Variants in SGCZ observed in about 807,000 individuals in gnomAD.
SGCZ encodes the protein sarcoglycan zeta.
In SGCZ, 40 loss-of-function variants were observed where a neutral mutation model predicts 41.3. That is an observed-to-expected ratio of 0.97 (90% CI 0.75 to 1.26). The LOEUF is 1.26. Ranked by LOEUF, SGCZ falls within the 50% of genes most tolerant of loss-of-function variation. SGCZ has a pLI of 0.00. For synonymous variants in SGCZ, 206 were observed against 137.5 expected, an observed-to-expected ratio of 1.50 and a Z score of -3.49; for missense variants, 552 against 369.8, an observed-to-expected ratio of 1.49 and a Z score of -4.04.
chr8:14,139,221 A>C (rs1359915147), intron 5 of SGCZ, among the ~76,000 whole-genome samples: 1 of 148,724 alleles, frequency 6.7e-6, no homozygotes, highest in African/African-American at 2.6e-5. Flanking sequence ...TATAGCACTA[A>C]AAGCCTACAA....
intron 1 of SGCZ, among the ~76,000 whole-genome samples, chr8:15,084,129 G>C (rs1281880906): frequency 2.0e-5 from 3 of 152,140 alleles, no homozygotes; most frequent in African/African-American, 7.2e-5. Flanking sequence ...CAAACAAGTA[G>C]TTCTGTTTTC....
intron 2 of SGCZ, among the ~76,000 whole-genome samples, chr8:14,469,039 C>G (rs1306219394): frequency 6.6e-6 from 1 of 151,070 alleles, no homozygotes; most frequent in East Asian, 1.9e-4. Context: ...CTGTTTCTTT[C>G]TAATTAGTTC....
chr8:15,214,350 A>C (rs1801331853), intron 1 of SGCZ, among the ~76,000 whole-genome samples: 1 of 152,156 alleles, frequency 6.6e-6, no homozygotes, highest in Non-Finnish European at 1.5e-5. Context: ...AAATCACTTT[A>C]AACAGTGTTT....
At chr8:14,364,390 T>C (rs193154517) in intron 2 of SGCZ, among the ~76,000 whole-genome samples, 67 of 152,290 alleles carry the variant, frequency 4.4e-4, no homozygotes, top group Admixed American at 3.8e-3. Flanking sequence ...GAATTATTAA[T>C]AAATCATGGG....
intron 4 of SGCZ, among the ~76,000 whole-genome samples, chr8:14,233,387 G>C (rs1425943378): frequency 1.3e-5 from 2 of 151,248 alleles, no homozygotes; most frequent in Non-Finnish European, 3.0e-5. Context: ...TATAAATGTA[G>C]TTTAAAAATA....
At chr8:14,905,392 C>G (rs1179957754) in intron 1 of SGCZ, among the ~76,000 whole-genome samples, 2 of 151,902 alleles carry the variant, frequency 1.3e-5, no homozygotes, top group Non-Finnish European at 2.9e-5. Flanking sequence ...GACATCACAC[C>G]GCTTTCCAGG....
At position 14,322,391 on chromosome 8, in the gene SGCZ, G is replaced by T. The variant is rs560534871; in HGVS notation, c.336+1712C>A. Among the ~76,000 whole-genome samples the T allele has an allele frequency of 2.6e-5, 4 of 152,188 alleles. No homozygotes were observed. The East Asian group carries it at 7.7e-4, about 29-fold the overall frequency. On this transcript the variant is annotated intron_variant, in intron 3 of 7. Transcript: ENST00000382080. ...TGAACATGGAGTTAGCTTTCTCGGG[G>T]ATGGAAACTAGGAAGCGCAAGTGGC...
chr8:14,157,287 A>G (rs1403194103), intron 5 of SGCZ, among the ~76,000 whole-genome samples: 1 of 148,674 alleles, frequency 6.7e-6, no homozygotes, highest in South Asian at 2.1e-4. Flanking sequence ...ATGTATATAC[A>G]TATTATATTT....
intron 5 of SGCZ, among the ~76,000 whole-genome samples, chr8:14,137,968 TAACA>T (rs1375066200): frequency 6.6e-6 from 1 of 152,170 alleles, no homozygotes; most frequent in Non-Finnish European, 1.5e-5. Flanking sequence ...CCCATCAGAC[TAACA>T]GCAGACCTCT....
intron 1 of SGCZ, among the ~76,000 whole-genome samples, chr8:15,207,930 A>C (rs1182507350): frequency 1.3e-5 from 2 of 152,142 alleles, no homozygotes; most frequent in Non-Finnish European, 2.9e-5. Context: ...AAACTCTATA[A>C]CTCTTAAGGA....
At chr8:14,199,582 G>A (rs552730500) in intron 4 of SGCZ, among the ~76,000 whole-genome samples, 2 of 152,022 alleles carry the variant, frequency 1.3e-5, no homozygotes, top group East Asian at 3.9e-4. Context: ...CTGGTTTTAC[G>A]GCTCGGGGGG....
At position 14,560,863 on chromosome 8, in the gene SGCZ, AC is replaced by A. The variant is rs1208603670; in HGVS notation, c.40-5938del. ...GGCTAAAAGAAAAGTTGTGAAAAAA[AC>A]AAAACACAAAAAAAAGTTATGAAAT... On this transcript the variant is annotated intron_variant, in intron 1 of 7. Coordinates refer to ENST00000382080, the MANE Select transcript of SGCZ (RefSeq NM_139167.4). Among the ~76,000 whole-genome samples, 7 of 146,832 alleles carry A rather than the reference AC, an allele frequency of 4.8e-5. No individual in the cohort carries two copies. The South Asian group carries it at 1.1e-3, about 23-fold the overall frequency.
chr8:14,828,491 GT>G (rs1240925877), intron 1 of SGCZ, among the ~76,000 whole-genome samples: 2 of 152,188 alleles, frequency 1.3e-5, no homozygotes, highest in Non-Finnish European at 2.9e-5. Context: ...CAAGTGCTGA[GT>G]TTTCGATGGA....
intron 1 of SGCZ, among the ~76,000 whole-genome samples, chr8:14,854,246 C>T (rs1274904930): frequency 4.0e-5 from 6 of 151,452 alleles, no homozygotes; most frequent in Non-Finnish European, 1.5e-5. Context: ...GCTTTTGACA[C>T]AGAGTTGGTG....
intron 4 of SGCZ, among the ~76,000 whole-genome samples, chr8:14,222,164 GT>G (rs916105308): frequency 1.3e-5 from 2 of 151,802 alleles, no homozygotes; most frequent in African/African-American, 2.4e-5. Flanking sequence ...TGTTGTTGCT[GT>G]TTTTTTGTTT....
At position 15,237,815 on chromosome 8, in the gene SGCZ, T is replaced by A. The variant is rs773219676; in HGVS notation, c.-192A>T. On this transcript the variant is annotated 5_prime_UTR_variant, in exon 1 of 8. Transcript: ENST00000382080. ...GAAAATAAATAAATAATAATGATAA[T>A]TCACTTTATTTTACTTCCTCAAAGA... is the stretch of plus-strand genomic sequence containing the variant. 5 of 566,928 alleles carry A rather than the reference T, an allele frequency of 8.8e-6. No individual in the cohort carries two copies. The highest frequency in any genetic ancestry group is 2.9e-5 in the Admixed American group (1 of 34,546). The allele number at this position is 566,928 out of a possible 1,614,324, so 35.1% of individuals were successfully genotyped here.
intron 1 of SGCZ, among the ~76,000 whole-genome samples, chr8:14,877,616 A>C (rs990946535): frequency 6.6e-6 from 1 of 152,134 alleles, no homozygotes; most frequent in Non-Finnish European, 1.5e-5. Flanking sequence ...AGGCATAAAA[A>C]ATAATATTTT....
At chr8:14,327,475 G>A (rs1802163083) in intron 2 of SGCZ, among the ~76,000 whole-genome samples, 1 of 152,164 alleles carries the variant, frequency 6.6e-6, no homozygotes, top group African/African-American at 2.4e-5. Flanking sequence ...AGTTGTTACA[G>A]AAATACCTAA....
intron 1 of SGCZ, among the ~76,000 whole-genome samples, chr8:14,619,449 G>A (rs185809352): frequency 1.5e-5 from 2 of 133,338 alleles, no homozygotes; most frequent in East Asian, 6.1e-4. Context: ...GGGCAATCAG[G>A]CAGGAGGAAA....
Sources: allele counts gnomAD v4.1 joint callset (sites outside exome capture counted in the v4.1 genomes callset), GRCh38; gene constraint gnomAD v4.1.1; transcripts MANE v1.5; gene names NCBI Gene and HGNC (gene_info 2026-07-23, HGNC 2026-07-21).